Variants in ACBD3 observed in about 807,000 individuals in gnomAD.
ACBD3 encodes Golgi resident protein GCP60.
ACBD3 carries 30 observed loss-of-function variants against 66.9 expected under a neutral mutation model. The ratio of observed to expected loss-of-function variants is 0.45; its 90% CI spans 0.34 to 0.61. The LOEUF (loss-of-function observed/expected upper bound fraction) is 0.61, where lower values mean the gene tolerates loss of function less well. ACBD3 is among the 20% of genes least tolerant of loss of function. The pLI, the probability that ACBD3 is intolerant of heterozygous loss-of-function variation, is 0.02. For missense variants in ACBD3, 544 were observed against 664.5 expected, an observed-to-expected ratio of 0.82 and a Z score of 1.99; for synonymous variants, 278 against 259.8, an observed-to-expected ratio of 1.07 and a Z score of -0.68.
At chr1:226,186,278 C>A (rs1470068452) in intron 1 of ACBD3, 112 bp downstream of exon 1, 2 of 1,308,906 alleles carry the variant, frequency 1.5e-6, no homozygotes, top group African/African-American at 1.5e-5. Context: ...GTCACCACAG[C>A]CCAGTATGAG....
At chr1:226,180,786 G>T (rs1311814522) in intron 1 of ACBD3, among the ~76,000 whole-genome samples, 3 of 152,142 alleles carry the variant, frequency 2.0e-5, no homozygotes, top group Non-Finnish European at 4.4e-5. Context: ...ATTACCTGAG[G>T]TCAGGAGCTC....
chr1:226,151,343 ATAAAT>A (rs1659569097), intron 7 of ACBD3, among the ~76,000 whole-genome samples: 1 of 152,338 alleles, frequency 6.6e-6, no homozygotes, highest in Admixed American at 6.5e-5. Context: ...AAGTCAACAA[ATAAAT>A]TAAGTGCTTA....
chr1:226,175,462 G>A (rs1010455529), intron 1 of ACBD3, among the ~76,000 whole-genome samples: 1 of 152,130 alleles, frequency 6.6e-6, no homozygotes, highest in Non-Finnish European at 1.5e-5. Context: ...AAGAATTTAA[G>A]GACATTTAAG....
Position 226,186,711 on chromosome 1 carries a change from G to A in ACBD3, c.-36C>T, listed in dbSNP as rs954695679. ...TGCACCTCCTCAGCGGGGACAGACG[G>A]CAGCCACGTATCGACTTCCTGCTGA... is the stretch of plus-strand genomic sequence containing the variant. On this transcript the variant is annotated 5_prime_UTR_variant, in exon 1 of 8. Coordinates refer to ENST00000366812, the MANE Select transcript of ACBD3 (RefSeq NM_022735.4). The A allele has an allele frequency of 6.9e-6, 10 of 1,444,768 alleles. 1 individual carries two copies. In the African/African-American group the frequency reaches 1.5e-4, roughly 21 times the overall value. The allele number at this position is 1,444,768 out of a possible 1,614,324, so 89.5% of individuals were successfully genotyped here. A position where few individuals can be genotyped will look rare whatever the true frequency, so the allele number is the denominator to read the frequency against.
At chr1:226,184,910 T>C (rs1211583314) in intron 1 of ACBD3, among the ~76,000 whole-genome samples, 1 of 146,760 alleles carries the variant, frequency 6.8e-6, no homozygotes, top group African/African-American at 2.5e-5. Flanking sequence ...GTGATTCTCC[T>C]GCCTCAGCCT....
chr1:226,169,223 C>T (rs1222646714), intron 1 of ACBD3, among the ~76,000 whole-genome samples: 1 of 151,254 alleles, frequency 6.6e-6, no homozygotes, highest in Non-Finnish European at 1.5e-5. Context: ...TGATCTTAGC[C>T]TTGTGATTTA....
Position 226,154,748 on chromosome 1 carries a change from T to C in ACBD3, c.989A>G (p.Asn330Ser). The C allele has an allele frequency of 6.2e-7, 1 of 1,613,972 alleles. No individual in the cohort carries two copies. The highest frequency in any genetic ancestry group is 8.5e-7 in the Non-Finnish European group (1 of 1,179,932). Residue 330 changes from asparagine to serine, a missense_variant, in exon 6 of 8, where the codon AAT becomes AGT. Physicochemically the swap from Asn to Ser is conservative, Grantham distance 46 (BLOSUM62 1). Around this residue, in one of 3 missense-constraint regions of ACBD3, gnomAD observed 383 missense variants for 462.4 expected, o/e 0.83. Transcript: ENST00000366812. ...SSKVNATVPS[N>S]MMSVNGQAKT... is the part of the protein sequence containing the mutation. ...GGCCTGTCCATTAACTGACATCATA[T>C]TACTTGGTACAGTTGCATTCACTTT...
intron 1 of ACBD3, among the ~76,000 whole-genome samples, chr1:226,175,091 C>CAAAAAAAAAAAAAAAAAAAGA (rs1656000103): frequency 1.3e-5 from 1 of 75,998 alleles, no homozygotes; most frequent in Non-Finnish European, 2.6e-5. Flanking sequence ...GACTCCATCT[C>CAAAAAAAAAAAAAAAAAAAGA]AAAAAAAAAA....
At chr1:226,166,094 A>G in intron 1 of ACBD3, 94 bp from the exon 2 acceptor site, 4 of 1,344,244 alleles carry the variant, frequency 3.0e-6, no homozygotes, top group Non-Finnish European at 4.0e-6. Flanking sequence ...AAAGCATGTC[A>G]CAAACTGCCT....
intron 5 of ACBD3, among the ~76,000 whole-genome samples, chr1:226,158,030 A>T (rs1485211540): frequency 6.6e-6 from 1 of 152,266 alleles, no homozygotes; most frequent in Non-Finnish European, 1.5e-5. Flanking sequence ...CAGAGGAGAG[A>T]GAATAAATCT....
intron 4 of ACBD3, 49 bp downstream of exon 4, chr1:226,161,482 T>C (rs1659773016): frequency 5.0e-6 from 8 of 1,589,968 alleles, no homozygotes; most frequent in South Asian, 3.4e-5. Context: ...TTTTATTCTA[T>C]TTTTTTTCCA....
Position 226,159,301 on chromosome 1 carries a change from T to A in ACBD3, c.786A>T (p.Ala262=), listed in dbSNP as rs1419540377. 3.7e-6 allele frequency: 6 copies of A among 1,614,102 alleles called. No homozygotes were observed. The highest frequency in any genetic ancestry group is 4.2e-6 in the Non-Finnish European group (5 of 1,180,032). ...CGTAGTTCCCTGGATACTGTTGGGCTGCATACTGCTGGAACTGCACGGCAG... is the reference window on the plus strand; with the variant it reads ...CGTAGTTCCCTGGATACTGTTGGGCAGCATACTGCTGGAACTGCACGGCAG... ...SQTAVQFQQY[A]AQQYPGNYEQ... The change falls in exon 5 of 8, where the codon GCA becomes GCT. Residue 262 remains alanine, a synonymous_variant. Transcript: ENST00000366812.
At chr1:226,174,257 T>G (rs1184986496) in intron 1 of ACBD3, among the ~76,000 whole-genome samples, 2 of 152,186 alleles carry the variant, frequency 1.3e-5, no homozygotes, top group Non-Finnish European at 2.9e-5. Context: ...CATCCTCGGC[T>G]CTTGCACTCA....
intron 3 of ACBD3, among the ~76,000 whole-genome samples, chr1:226,162,146 T>C (rs900863909): frequency 1.3e-5 from 2 of 152,060 alleles, no homozygotes; most frequent in Admixed American, 1.3e-4. Context: ...AGCACAGTGC[T>C]GGAAAGAACA....
At chr1:226,155,882 T>C (rs1165739782) in intron 5 of ACBD3, among the ~76,000 whole-genome samples, 1 of 152,204 alleles carries the variant, frequency 6.6e-6, no homozygotes, top group Non-Finnish European at 1.5e-5. Context: ...TATTCATAAA[T>C]ATAAAATCAA....
At position 226,154,670 on chromosome 1, in the gene ACBD3, T is replaced by G. The variant is rs143544007; in HGVS notation, c.1067A>C (p.Glu356Ala). The stretch of plus-strand genomic sequence containing the variant: ...ACCTTTTGGTCCATTCTCCAGGGCT[T>G]CTTCTGCAGCTTCTGGTTCCAGTTC... ...EKELEPEAAE[E>A]ALENGPKESL... Residue 356 changes from glutamate (E) to alanine (A), a missense_variant, in exon 6 of 8, where the codon GAA (glutamate) becomes GCA (alanine). Coordinates refer to ENST00000366812, the MANE Select transcript of ACBD3 (RefSeq NM_022735.4). The G allele has an allele frequency of 2.4e-4, 390 of 1,613,154 alleles. No individual in the cohort carries two copies. The highest frequency in any genetic ancestry group is 8.1e-4 in the African/African-American group (61 of 75,006).
chr1:226,147,538 C>T (rs1659479360), intron 7 of ACBD3, among the ~76,000 whole-genome samples: 1 of 152,136 alleles, frequency 6.6e-6, no homozygotes, highest in Non-Finnish European at 1.5e-5. Flanking sequence ...TCCTTCTGAC[C>T]AATATGAGTC....
intron 1 of ACBD3, among the ~76,000 whole-genome samples, chr1:226,184,474 G>C (rs183311824): frequency 6.6e-6 from 1 of 152,224 alleles, no homozygotes; most frequent in East Asian, 1.9e-4. Flanking sequence ...CAAGTTATAA[G>C]TTTCCCCAGG....
chr1:226,157,788 T>C (rs1226919408), intron 5 of ACBD3, among the ~76,000 whole-genome samples: 2 of 152,244 alleles, frequency 1.3e-5, no homozygotes, highest in East Asian at 1.9e-4. Context: ...GCAACCATTA[T>C]GGCCTTGGCT....
Sources: gnomAD v4.1 joint callset for allele counts (sites outside exome capture counted in the v4.1 genomes callset) on GRCh38, gnomAD v4.1.1 for gene constraint, gnomAD v4.1.1 regional missense constraint, MANE v1.5 for transcripts, NCBI Gene and HGNC (gene_info 2026-07-23, HGNC 2026-07-21) for gene names.